Variants in NFYB observed in about 807,000 individuals in gnomAD.
NFYB encodes the protein CAAT box DNA-binding protein subunit B.
In NFYB, 13 loss-of-function variants were observed where a neutral mutation model predicts 28.0. The ratio of observed to expected loss-of-function variants is 0.46; its 90% CI spans 0.30 to 0.74. The LOEUF is 0.74. NFYB is among the 30% of genes least tolerant of loss of function. The pLI, the probability that NFYB is intolerant of heterozygous loss-of-function variation, is 0.07. For missense variants in NFYB, 142 were observed against 247.6 expected, an observed-to-expected ratio of 0.57 and a Z score of 2.86; for synonymous variants, 74 against 75.0, an observed-to-expected ratio of 0.99 and a Z score of 0.07.
At chr12:104,122,600 T>C (rs758221688) in intron 5 of NFYB, among the ~76,000 whole-genome samples, 33 of 152,198 alleles carry the variant, frequency 2.2e-4, no homozygotes, top group Non-Finnish European at 3.7e-4. Flanking sequence ...GCAAGGGATC[T>C]AGGCTGTGCG....
At chr12:104,133,080 C>T (rs574234833) in intron 2 of NFYB, among the ~76,000 whole-genome samples, 2 of 152,122 alleles carry the variant, frequency 1.3e-5, no homozygotes, top group East Asian at 1.9e-4. Flanking sequence ...TTGATGTAGC[C>T]GTATTTAAAC....
chr12:104,122,483 G>A (rs371918473), intron 5 of NFYB, among the ~76,000 whole-genome samples: 1 of 152,218 alleles, frequency 6.6e-6, no homozygotes, highest in Non-Finnish European at 1.5e-5. Context: ...CACAGCAGGA[G>A]GTGAGGGTCT....
chr12:104,131,064 T>C lies in NFYB; in HGVS notation c.7-2547A>G, dbSNP rs574895699. ...GGCGGATCTGGGAGATGAATTAATT[T>C]AGAAATATAACACAAACAAAAGTAT... On this transcript the variant is annotated intron_variant, in intron 2 of 7. Transcript: ENST00000240055. 3 of 152,360 alleles carry C rather than the reference T, an allele frequency of 2.0e-5. No homozygotes were observed. In the East Asian group the frequency reaches 5.8e-4, roughly 29 times the overall value. The allele number at this position is 152,360 out of a possible 1,614,324, so 9.4% of individuals were successfully genotyped here. A position where few individuals can be genotyped will look rare whatever the true frequency, so the allele number is the denominator to read the frequency against.
rs1593622172 is a variant in NFYB, at chr12:104,118,577, T to C, written c.*1160A>G. On this transcript the variant is annotated 3_prime_UTR_variant, in exon 8 of 8. Transcript: ENST00000240055. Reference sequence around the variant, plus strand: ...TCAAGTTAATTAACACCAAAAAGAATAGATGAGAAAATACAAATCCTCACT... The same window carrying C: ...TCAAGTTAATTAACACCAAAAAGAACAGATGAGAAAATACAAATCCTCACT... 6.6e-6 allele frequency: 1 copy of C among 152,590 alleles called. No individual in the cohort carries two copies. Among genetic ancestry groups the C allele is most frequent in the South Asian group, 2.1e-4 (1 of 4,834 alleles). The allele number at this position is 152,590 out of a possible 1,614,324, so 9.5% of individuals were successfully genotyped here.
chr12:104,131,065 A>G (rs2030905060), intron 2 of NFYB: 1 of 152,256 alleles, frequency 6.6e-6, no homozygotes, highest in African/African-American at 2.4e-5. Context: ...GAATTAATTT[A>G]GAAATATAAC....
intron 3 of NFYB, among the ~76,000 whole-genome samples, chr12:104,126,805 C>T (rs887268349): frequency 6.6e-6 from 1 of 152,068 alleles, no homozygotes; most frequent in African/African-American, 2.4e-5. Flanking sequence ...TTCTCCAAAC[C>T]CAAGTTTATA....
Position 104,119,724 on chromosome 12 carries a change from T to C in NFYB, c.*13A>G. On this transcript the variant is annotated 3_prime_UTR_variant, in exon 8 of 8. Coordinates refer to ENST00000240055, the MANE Select transcript of NFYB (RefSeq NM_006166.4). Reference sequence around the variant, plus strand: ...TCATTTCTCTACACTCCCCATTCCATCATTTCTTCAGATCATGAAAACTGA... The same window carrying C: ...TCATTTCTCTACACTCCCCATTCCACCATTTCTTCAGATCATGAAAACTGA... 1 of 1,593,568 alleles carries C rather than the reference T, an allele frequency of 6.3e-7. No individual in the cohort carries two copies. The highest frequency in any genetic ancestry group is 8.6e-7 in the Non-Finnish European group (1 of 1,162,654).
intron 2 of NFYB, among the ~76,000 whole-genome samples, chr12:104,134,198 C>T (rs1265782438): frequency 1.3e-5 from 2 of 152,166 alleles, no homozygotes; most frequent in Non-Finnish European, 2.9e-5. Context: ...TTAATGAACT[C>T]ACTAAATATC....
At chr12:104,134,124 C>T (rs188127052) in intron 2 of NFYB, among the ~76,000 whole-genome samples, 8 of 152,246 alleles carry the variant, frequency 5.3e-5, no homozygotes, top group Admixed American at 4.6e-4. Context: ...AAAGCAATAT[C>T]CTTTCCTCCC....
At chr12:104,119,895 T>C (rs2030399711) in intron 7 of NFYB, 126 bp from the exon 8 acceptor site, 5 of 633,620 alleles carry the variant, frequency 7.9e-6, no homozygotes, top group Middle Eastern at 2.8e-4. Context: ...CTTGTGTATC[T>C]TTCTAGAAAT....
At chr12:104,135,611 T>C in intron 1 of NFYB, 79 bp from the exon 2 acceptor site, 1 of 525,208 alleles carries the variant, frequency 1.9e-6, no homozygotes, top group Non-Finnish European at 3.2e-6. Flanking sequence ...TAGGCTTTTT[T>C]TCTCATAAAA....
chr12:104,131,682 C>CTTT (rs1253531374), intron 2 of NFYB: 3 of 452,694 alleles, frequency 6.6e-6, no homozygotes, highest in Non-Finnish European at 1.3e-5. Flanking sequence ...CCTATAAAAA[C>CTTT]TTATAAAACA....
intron 1 of NFYB, chr12:104,137,567 G>T: frequency 1.3e-5 from 2 of 152,286 alleles, no homozygotes; most frequent in South Asian, 3.9e-4. Context: ...CGCATCCCCT[G>T]ACTCGCCCGG....
intron 1 of NFYB, among the ~76,000 whole-genome samples, chr12:104,136,943 AAATT>A (rs1213388300): frequency 1.3e-5 from 2 of 152,240 alleles, no homozygotes; most frequent in Admixed American, 1.3e-4. Flanking sequence ...AGTAATCCTT[AAATT>A]AAGATACAAG....
intron 4 of NFYB, chr12:104,125,149 A>C (rs1190147008): frequency 6.6e-6 from 1 of 152,246 alleles, no homozygotes; most frequent in Non-Finnish European, 1.5e-5. Context: ...TCCAAATACC[A>C]GGATTTGTTT....
chr12:104,127,663 CTTTTTTTT>C (rs71069719), intron 3 of NFYB, among the ~76,000 whole-genome samples: 6 of 92,896 alleles, frequency 6.5e-5, no homozygotes, highest in Non-Finnish European at 9.9e-5. Context: ...ATAACACTGC[CTTTTTTTT>C]TTTTTTTTTT....
intron 1 of NFYB, among the ~76,000 whole-genome samples, chr12:104,136,356 G>A (rs2031099409): frequency 6.6e-6 from 1 of 152,122 alleles, no homozygotes; most frequent in African/African-American, 2.4e-5. Context: ...AAGATATACT[G>A]ATACGCATCC....
At chr12:104,123,532 T>A in intron 4 of NFYB, 109 bp from the exon 5 acceptor site, 1 of 765,062 alleles carries the variant, frequency 1.3e-6, no homozygotes, top group South Asian at 1.8e-5. Flanking sequence ...TTATGACTAT[T>A]TAATCTCTTA....
At chr12:104,136,456 T>A (rs578178561) in intron 1 of NFYB, among the ~76,000 whole-genome samples, 1 of 152,344 alleles carries the variant, frequency 6.6e-6, no homozygotes, top group African/African-American at 2.4e-5. Flanking sequence ...TAGCAAAAAC[T>A]GCTTGACGTT....
Sources: gnomAD v4.1 joint callset for allele counts (sites outside exome capture counted in the v4.1 genomes callset) on GRCh38, gnomAD v4.1.1 for gene constraint, MANE v1.5 for transcripts, NCBI Gene and HGNC (gene_info 2026-07-23, HGNC 2026-07-21) for gene names.